POU6F2: variants seen among roughly 807,000 people sequenced by gnomAD.
POU6F2 encodes the protein POU domain, class 6, transcription factor 2.
A neutral mutation model predicts 71.3 loss-of-function variants in POU6F2; 31 were observed. The ratio of observed to expected loss-of-function variants is 0.43; its 90% CI spans 0.33 to 0.59. POU6F2 has a LOEUF of 0.59. Among genes scored for constraint, POU6F2 ranks in the 20% least tolerant of loss-of-function variants. POU6F2 has a pLI of 0.04. For missense variants in POU6F2, 783 were observed against 856.8 expected, an observed-to-expected ratio of 0.91 and a Z score of 1.07; for synonymous variants, 347 against 355.7, an observed-to-expected ratio of 0.98 and a Z score of 0.27.
chr7:39,375,118 C>T (rs1026146105), intron 5 of POU6F2, among the ~76,000 whole-genome samples: 3 of 152,050 alleles, frequency 2.0e-5, no homozygotes, highest in Admixed American at 6.6e-5. Flanking sequence ...TGGGAGGGGG[C>T]TGGCGGGAAG....
At chr7:39,155,915 C>T (rs1478744218) in intron 2 of POU6F2, among the ~76,000 whole-genome samples, 1 of 152,084 alleles carries the variant, frequency 6.6e-6, no homozygotes, top group Non-Finnish European at 1.5e-5. Flanking sequence ...TGTAATAGTA[C>T]CTATTGTTGA....
intron 2 of POU6F2, among the ~76,000 whole-genome samples, chr7:39,131,253 G>T (rs1490000793): frequency 6.6e-6 from 1 of 152,074 alleles, no homozygotes; most frequent in Non-Finnish European, 1.5e-5. Flanking sequence ...AATTACTCCA[G>T]CTCCTCCACC....
intron 1 of POU6F2, among the ~76,000 whole-genome samples, chr7:39,037,099 C>A (rs1397162162): frequency 6.6e-6 from 1 of 151,910 alleles, no homozygotes; most frequent in African/African-American, 2.4e-5. Context: ...TGTTTAAAGA[C>A]CCTGAGGCCT....
intron 5 of POU6F2, among the ~76,000 whole-genome samples, chr7:39,385,948 A>C (rs1318039024): frequency 6.6e-6 from 1 of 151,878 alleles, no homozygotes; most frequent in East Asian, 2.0e-4. Context: ...CCTCATCTCT[A>C]CTAAAAAAAA....
chr7:39,411,283 A>T (rs1294255365), intron 6 of POU6F2, among the ~76,000 whole-genome samples: 1 of 152,170 alleles, frequency 6.6e-6, no homozygotes, highest in Non-Finnish European at 1.5e-5. Context: ...TGGCAAGTAG[A>T]TTTACTATCG....
intron 4 of POU6F2, among the ~76,000 whole-genome samples, chr7:39,224,961 T>A (rs755541168): frequency 1.3e-5 from 2 of 152,214 alleles, no homozygotes; most frequent in Non-Finnish European, 2.9e-5. Flanking sequence ...ATTTACTGAT[T>A]TGCAGCCAGC....
At chr7:39,430,666 A>T (rs1188609134) in intron 6 of POU6F2, among the ~76,000 whole-genome samples, 1 of 152,120 alleles carries the variant, frequency 6.6e-6, no homozygotes, top group Non-Finnish European at 1.5e-5. Context: ...TCTCTTCATC[A>T]CAGTGTGTTC....
intron 1 of POU6F2, among the ~76,000 whole-genome samples, chr7:39,029,572 C>T (rs1483020338): frequency 6.6e-6 from 1 of 152,050 alleles, no homozygotes; most frequent in East Asian, 1.9e-4. Flanking sequence ...AAAGCCCTGA[C>T]TTCACAACAC....
chr7:39,326,308 G>T (rs900887546), intron 4 of POU6F2, among the ~76,000 whole-genome samples: 3 of 152,192 alleles, frequency 2.0e-5, no homozygotes, highest in African/African-American at 7.2e-5. Flanking sequence ...AAAGCACAAA[G>T]AACCGTTATC....
chr7:38,982,957 T>C (rs1026589115), intron 1 of POU6F2, among the ~76,000 whole-genome samples: 8 of 152,114 alleles, frequency 5.3e-5, no homozygotes, highest in Non-Finnish European at 1.2e-4. Context: ...TGACCTTTTC[T>C]TTGCTATGTA....
intron 5 of POU6F2, among the ~76,000 whole-genome samples, chr7:39,351,634 T>C (rs1406816872): frequency 6.6e-6 from 1 of 152,178 alleles, no homozygotes; most frequent in East Asian, 1.9e-4. Flanking sequence ...TGGATCCACC[T>C]GAAATGCTGG....
At chr7:39,181,757 C>A (rs1270073080) in intron 2 of POU6F2, among the ~76,000 whole-genome samples, 1 of 152,148 alleles carries the variant, frequency 6.6e-6, no homozygotes, top group Non-Finnish European at 1.5e-5. Flanking sequence ...GAGCTGGTGT[C>A]CTTCATTCCT....
At chr7:39,230,055 G>A (rs192158439) in intron 4 of POU6F2, among the ~76,000 whole-genome samples, 2 of 152,370 alleles carry the variant, frequency 1.3e-5, no homozygotes, top group East Asian at 3.9e-4. Context: ...CTAGGAAGCA[G>A]TGGAGTCCAA....
intron 6 of POU6F2, among the ~76,000 whole-genome samples, chr7:39,432,135 T>G (rs541748390): frequency 1.8e-4 from 28 of 152,300 alleles, no homozygotes; most frequent in African/African-American, 6.0e-4. Flanking sequence ...TCTGTCCATT[T>G]GCTGTTTTTC....
chr7:38,978,634 C>G lies in POU6F2; in HGVS notation c.105+576C>G, dbSNP rs1562651873. 3.3e-5 allele frequency among the ~76,000 whole-genome samples: 5 copies of G among 152,140 alleles called. No homozygotes were observed. In the South Asian group the frequency reaches 1.0e-3, roughly 32 times the overall value. ...AGAAGGGCAGGCTGCAAATTAAACA[C>G]TGTCACAATCTTGAAAGGTCCAGGT... On this transcript the variant is annotated intron_variant, in intron 1 of 9. Coordinates refer to ENST00000518318, the MANE Select transcript of POU6F2 (RefSeq NM_001370959.1).
chr7:39,072,832 A>G (rs1361986238), intron 1 of POU6F2, among the ~76,000 whole-genome samples: 1 of 152,198 alleles, frequency 6.6e-6, no homozygotes, highest in South Asian at 2.1e-4. Context: ...TTTATTAGCA[A>G]CCATGATGAG....
intron 4 of POU6F2, among the ~76,000 whole-genome samples, chr7:39,214,724 A>G (rs1300079771): frequency 4.0e-5 from 6 of 151,354 alleles, no homozygotes. Flanking sequence ...AGAGTCCAGT[A>G]AAGAGAAGTA....
At chr7:39,178,325 T>C (rs1165645086) in intron 2 of POU6F2, among the ~76,000 whole-genome samples, 2 of 152,180 alleles carry the variant, frequency 1.3e-5, no homozygotes, top group Non-Finnish European at 2.9e-5. Flanking sequence ...GCCTCAATCT[T>C]CCCTGAATAT....
chr7:39,464,880 A>G lies in POU6F2; in HGVS notation c.*194A>G. 1 of 751,712 alleles carries G rather than the reference A, an allele frequency of 1.3e-6. No individual in the cohort carries two copies. The allele number at this position is 751,712 out of a possible 1,614,324, so 46.6% of individuals were successfully genotyped here. Reference sequence around the variant, plus strand: ...TCTACATGTCCGTTGGTTTTCCAAAAAGGAAAGAAGAAAATTTTTAGAAAA... The same window carrying G: ...TCTACATGTCCGTTGGTTTTCCAAAGAGGAAAGAAGAAAATTTTTAGAAAA... On this transcript the variant is annotated 3_prime_UTR_variant, in exon 10 of 10. Transcript: ENST00000518318. This position sits in a 1 kb window ranked among gnomAD's most constrained non-coding sequence, Gnocchi z 4.1.
Sources: gnomAD v4.1 joint callset for allele counts (sites outside exome capture counted in the v4.1 genomes callset) on GRCh38, gnomAD v4.1.1 for gene constraint, Gnocchi (gnomAD v3.1) non-coding constraint, MANE v1.5 for transcripts, NCBI Gene and HGNC (gene_info 2026-07-23, HGNC 2026-07-21) for gene names.